USP6NL: variants seen among roughly 807,000 people sequenced by gnomAD.
USP6NL encodes USP6 N-terminal-like protein.
USP6NL carries 26 observed loss-of-function variants against 61.9 expected under a neutral mutation model. The ratio of observed to expected loss-of-function variants is 0.42; its 90% CI spans 0.31 to 0.58. The LOEUF (loss-of-function observed/expected upper bound fraction) is 0.58, where lower values mean the gene tolerates loss of function less well. Among genes scored for constraint, USP6NL ranks in the 20% least tolerant of loss-of-function variants. The pLI, the probability that USP6NL is intolerant of heterozygous loss-of-function variation, is 0.16. For synonymous variants in USP6NL, 432 were observed against 390.1 expected (o/e 1.11, Z -1.27); for missense variants, 1,114 against 1,034.3 (o/e 1.08, Z -1.06).
chr10:11,516,278 G>A (rs1166554446), intron 5 of USP6NL, among the ~76,000 whole-genome samples: 3 of 152,158 alleles, frequency 2.0e-5, no homozygotes, highest in Non-Finnish European at 4.4e-5. Context: ...GTGATTACCC[G>A]ACTATGCACT....
Position 11,463,974 on chromosome 10 carries a change from CTG to C in USP6NL, c.1079-127_1079-126del. On this transcript the variant is annotated intron_variant, in intron 14 of 14. Coordinates refer to ENST00000609104, the MANE Select transcript of USP6NL (RefSeq NM_014688.5). This position sits in a 1 kb window ranked among gnomAD's most constrained non-coding sequence, Gnocchi z 6.3. ...CAGATACACGCTGACATACAACACA[CTG>C]TCATACAACACACTGTTTATACCAC... 1.1e-6 allele frequency: 1 copy of C among 910,782 alleles called. No individual in the cohort carries two copies. Among genetic ancestry groups the C allele is most frequent in the African/African-American group, 1.7e-5 (1 of 59,498 alleles). The allele number at this position is 910,782 out of a possible 1,614,324, so 56.4% of individuals were successfully genotyped here.
intron 2 of USP6NL, among the ~76,000 whole-genome samples, chr10:11,558,134 G>A (rs1250399414): frequency 2.6e-5 from 4 of 152,174 alleles, no homozygotes; most frequent in Non-Finnish European, 5.9e-5. Flanking sequence ...CCCTATTTGC[G>A]AAGCGACAGG....
At chr10:11,469,141 T>C (rs1227606977) in intron 14 of USP6NL, among the ~76,000 whole-genome samples, 2 of 152,180 alleles carry the variant, frequency 1.3e-5, no homozygotes, top group South Asian at 4.1e-4. Flanking sequence ...AAATGCACAC[T>C]GGGGAAAAAC....
chr10:11,489,027 AAGC>A lies in USP6NL; in HGVS notation c.664+72_664+74del, dbSNP rs1833597671. On this transcript the variant is annotated intron_variant, in intron 10 of 14. Transcript: ENST00000609104. This position sits in a 1 kb window ranked among gnomAD's most constrained non-coding sequence, Gnocchi z 5.7. ...TAAATTTGCTGTATGTAACTCTTGC[AAGC>A]ATCTTTGGTTTTGTTTTAATCTACT... is the stretch of plus-strand genomic sequence containing the variant. The A allele has an allele frequency of 6.4e-7, 1 of 1,573,732 alleles. No homozygotes were observed. The highest frequency in any genetic ancestry group is 1.4e-5 in the African/African-American group (1 of 74,018).
chr10:11,550,156 T>A (rs532423290), intron 2 of USP6NL, among the ~76,000 whole-genome samples: 14 of 152,116 alleles, frequency 9.2e-5, no homozygotes, highest in Non-Finnish European at 1.9e-4. Flanking sequence ...CACGAACATA[T>A]ATGAAAGTGT....
chr10:11,515,411 T>A (rs1834911979), intron 5 of USP6NL, among the ~76,000 whole-genome samples: 1 of 152,228 alleles, frequency 6.6e-6, no homozygotes, highest in East Asian at 1.9e-4. Context: ...TATTGTGATA[T>A]AATGAGAACT....
In USP6NL at chr10:11,491,361, C is replaced by T. The variant is rs558727438; in HGVS notation, c.495-481G>A. Among the ~76,000 whole-genome samples the T allele has an allele frequency of 6.6e-6, 1 of 152,304 alleles. No individual in the cohort carries two copies. The highest frequency in any genetic ancestry group is 2.1e-4 in the South Asian group (1 of 4,826). On this transcript the variant is annotated intron_variant, in intron 8 of 14. Transcript: ENST00000609104. The surrounding 1 kb of genome is among the most constrained non-coding windows in gnomAD (Gnocchi z 4.7). ...TCAAGGATCCAAGATTCAAAGGCTG[C>T]AAGTAGGAGTGGCTCCACTCATCAT...
intron 1 of USP6NL, among the ~76,000 whole-genome samples, chr10:11,605,987 CG>C (rs1325772632): frequency 6.6e-6 from 1 of 152,044 alleles, no homozygotes; most frequent in East Asian, 1.9e-4. Context: ...CCAAAATTGA[CG>C]AAAGACATCA....
chr10:11,595,056 A>AT lies in USP6NL; in HGVS notation c.4+2574dup, dbSNP rs532509238. Among the ~76,000 whole-genome samples the AT allele has an allele frequency of 1.3e-5, 2 of 152,302 alleles. No individual in the cohort carries two copies. Among genetic ancestry groups the AT allele is most frequent in the African/African-American group, 4.8e-5 (2 of 41,566 alleles). On this transcript the variant is annotated intron_variant, in intron 2 of 14. Transcript: ENST00000609104. The surrounding 1 kb of genome is among the most constrained non-coding windows in gnomAD (Gnocchi z 5.3). ...GAACTAGCAGACTACTCAGAAGCTG[A>AT]TTTTTTTAAAAGAATCTGAAGTGGG...
chr10:11,591,287 A>C lies in USP6NL; in HGVS notation c.4+6344T>G. The stretch of plus-strand genomic sequence containing the variant: ...ATTATAAAGAAGTCATTTGGAGCAC[A>C]CTGGTTTGTGTTGTACTAAAAAAAT... On this transcript the variant is annotated intron_variant, in intron 2 of 14. Transcript: ENST00000609104. This position sits in a 1 kb window ranked among gnomAD's most constrained non-coding sequence, Gnocchi z 4.7. Among the ~76,000 whole-genome samples the C allele has an allele frequency of 6.6e-6, 1 of 151,742 alleles. No individual in the cohort carries two copies. The highest frequency in any genetic ancestry group is 3.2e-3 in the Middle Eastern group (1 of 314).
At chr10:11,508,226 G>C (rs985055721) in intron 6 of USP6NL, among the ~76,000 whole-genome samples, 1 of 152,112 alleles carries the variant, frequency 6.6e-6, no homozygotes, top group South Asian at 2.1e-4. Context: ...AATAGGGGTA[G>C]TTAACATTTA....
rs867893830 is a variant in USP6NL at position 11,474,437 on chromosome 10, T to C, written c.1078+7333A>G. ...TTTATTTAAATTGAAATTTGATACA[T>C]TGAAAGGAAACTGGATATATTACAT... On this transcript the variant is annotated intron_variant, in intron 14 of 14. Coordinates refer to ENST00000609104, the MANE Select transcript of USP6NL (RefSeq NM_014688.5). The surrounding 1 kb of genome is among the most constrained non-coding windows in gnomAD (Gnocchi z 4.9). Among the ~76,000 whole-genome samples the C allele has an allele frequency of 7.9e-5, 12 of 152,266 alleles. No homozygotes were observed. In the South Asian group the frequency reaches 1.5e-3, roughly 18 times the overall value.
Position 11,463,729 on chromosome 10 carries a change from C to G in USP6NL, c.1199G>C (p.Ser400Thr), listed in dbSNP as rs2133139375. The G allele has an allele frequency of 6.2e-7, 1 of 1,608,094 alleles. No individual in the cohort carries two copies. Among genetic ancestry groups the G allele is most frequent in the East Asian group, 2.2e-5 (1 of 44,714 alleles). Reference sequence around the variant, plus strand: ...GGGCGCCCCGCTCTCCCTCCTGCCGCTGGCCAGCGGGCTCGGCCGGCCCAC... The same window carrying G: ...GGGCGCCCCGCTCTCCCTCCTGCCGGTGGCCAGCGGGCTCGGCCGGCCCAC... Reference protein sequence around the residue: ...RSVGRPSPLASGRRESGAPHR... With the variant: ...RSVGRPSPLATGRRESGAPHR... Residue 400 changes from serine to threonine, a missense_variant, in exon 15 of 15, where the codon AGC (serine) becomes ACC (threonine). Ser to Thr is a moderately conservative substitution (Grantham distance 58). Transcript: ENST00000609104. The surrounding 1 kb of genome is among the most constrained non-coding windows in gnomAD (Gnocchi z 6.3).
chr10:11,509,755 T>A (rs1834619137), intron 5 of USP6NL, 80 bp from the exon 6 acceptor site: 11 of 1,210,808 alleles, frequency 9.1e-6, no homozygotes, highest in Non-Finnish European at 1.3e-5. Context: ...AGAAAATGCT[T>A]CTAAAAAAGG....
At chr10:11,527,176 G>A (rs1159519581) in intron 3 of USP6NL, among the ~76,000 whole-genome samples, 4 of 152,072 alleles carry the variant, frequency 2.6e-5, no homozygotes, top group Admixed American at 1.3e-4. Flanking sequence ...TCAGTAAGAC[G>A]ATAGCATCTG....
chr10:11,488,845 C>T (rs1833588351), intron 10 of USP6NL, among the ~76,000 whole-genome samples: 1 of 151,954 alleles, frequency 6.6e-6, no homozygotes, highest in Non-Finnish European at 1.5e-5. Flanking sequence ...TTTCTTTTGA[C>T]CAAGGGCAAG....
At chr10:11,507,366 A>G (rs1239161440) in intron 6 of USP6NL, among the ~76,000 whole-genome samples, 1 of 152,200 alleles carries the variant, frequency 6.6e-6, no homozygotes, top group Non-Finnish European at 1.5e-5. Flanking sequence ...TAAACAAGAG[A>G]ACAGATGTTG....
At chr10:11,519,783 G>A (rs1319702342) in intron 4 of USP6NL, among the ~76,000 whole-genome samples, 2 of 152,260 alleles carry the variant, frequency 1.3e-5, no homozygotes, top group East Asian at 3.9e-4. Context: ...TGAGATTCTT[G>A]TATTAACTGT....
In USP6NL at chr10:11,602,457, C is replaced by T. The variant is rs1339314732; in HGVS notation, c.-83-4740G>A. Among the ~76,000 whole-genome samples, 1 of 151,954 alleles carries T rather than the reference C, an allele frequency of 6.6e-6. No homozygotes were observed. The highest frequency in any genetic ancestry group is 2.4e-5 in the African/African-American group (1 of 41,368). ...TTACTATTCATTCATTCAGTATTTA[C>T]CGAGTAGCTATTATGAGCCAGGCAG... On this transcript the variant is annotated intron_variant, in intron 1 of 14. Transcript: ENST00000609104. This position sits in a 1 kb window ranked among gnomAD's most constrained non-coding sequence, Gnocchi z 4.8.
Sources: gnomAD v4.1 joint callset for allele counts (sites outside exome capture counted in the v4.1 genomes callset) on GRCh38, gnomAD v4.1.1 for gene constraint, Gnocchi (gnomAD v3.1) non-coding constraint, MANE v1.5 for transcripts, NCBI Gene and HGNC (gene_info 2026-07-23, HGNC 2026-07-21) for gene names.